Variants in DCC observed in about 807,000 individuals in gnomAD.
DCC encodes DCC netrin 1 receptor, also known as netrin receptor DCC.
In DCC, 58 loss-of-function variants were observed where a neutral mutation model predicts 172.5. The observed-to-expected ratio is 0.34, with a 90% CI of 0.27 to 0.42. DCC has a LOEUF of 0.42. Ranked by LOEUF, DCC falls within the 10% of genes least tolerant of loss-of-function variation. The probability of loss-of-function intolerance (pLI) is 1.00; values close to 1 mark genes in which losing one functional copy is unlikely to be tolerated. For synonymous variants in DCC, 709 were observed against 644.5 expected (o/e 1.10, Z -1.52); for missense variants, 1,740 against 1,791.0 (o/e 0.97, Z 0.51).
intron 1 of DCC, among the ~76,000 whole-genome samples, chr18:52,591,783 A>AT (rs1455956576): frequency 8.6e-6 from 1 of 116,880 alleles, no homozygotes; most frequent in Non-Finnish European, 1.8e-5. Context: ...TTCTTTATTT[A>AT]TTTCTTTTTT....
rs1344300366 is a variant in DCC at position 52,342,266 on chromosome 18, G to GGT, written c.91+1400_91+1401dup. 4.6e-4 allele frequency among the ~76,000 whole-genome samples: 58 copies of GGT among 127,244 alleles called. 1 individual carries two copies. The highest frequency in any genetic ancestry group is 3.9e-3 in the East Asian group (15 of 3,838). 83.5% of individuals were successfully genotyped at this position (127,244 alleles called of 152,430 possible). A position where few individuals can be genotyped will look rare whatever the true frequency, so the allele number is the denominator to read the frequency against. On this transcript the variant is annotated intron_variant, in intron 1 of 28. Transcript: ENST00000442544. The stretch of plus-strand genomic sequence containing the variant: ...AGAGACAGAGAGAGCAGGCAGGAGG[G>GGT]GTGTGTGTGTGTGCGTGTGTGTGTG...
intron 12 of DCC, among the ~76,000 whole-genome samples, chr18:53,300,865 A>G (rs1387841744): frequency 2.0e-5 from 3 of 152,056 alleles, no homozygotes; most frequent in Admixed American, 6.6e-5. Context: ...TTGGATTTCT[A>G]TCTCCCTGGA....
intron 1 of DCC, among the ~76,000 whole-genome samples, chr18:52,707,107 T>C (rs2036224115): frequency 6.6e-6 from 1 of 152,144 alleles, no homozygotes; most frequent in Non-Finnish European, 1.5e-5. Flanking sequence ...GGGCATTTAT[T>C]TTACTGTGAT....
At chr18:53,087,659 A>G (rs1009927466) in intron 7 of DCC, among the ~76,000 whole-genome samples, 41 of 152,132 alleles carry the variant, frequency 2.7e-4, no homozygotes, top group African/African-American at 8.4e-4. Context: ...TTGGTGTTTT[A>G]GACATGAAGT....
rs1467813553 is a variant in DCC, at chr18:53,138,288, T to A, written c.1262-19068T>A. Among the ~76,000 whole-genome samples, 5 of 152,184 alleles carry A rather than the reference T, an allele frequency of 3.3e-5. No homozygotes were observed. In the East Asian group the frequency reaches 9.6e-4, roughly 29 times the overall value. ...ATGCTGTCAATTTCCATCTTCCTCG[T>A]CAGTAAAATAAGACCTATAATTTGC... On this transcript the variant is annotated intron_variant, in intron 7 of 28. Transcript: ENST00000442544.
intron 2 of DCC, among the ~76,000 whole-genome samples, chr18:52,775,937 AG>A (rs1298522324): frequency 6.6e-6 from 1 of 152,198 alleles, no homozygotes; most frequent in African/African-American, 2.4e-5. Context: ...CTTCATTTAA[AG>A]GGTCTTCCCT....
At chr18:53,014,951 C>G (rs1168433512) in intron 5 of DCC, among the ~76,000 whole-genome samples, 2 of 151,892 alleles carry the variant, frequency 1.3e-5, no homozygotes, top group African/African-American at 4.8e-5. Context: ...CTTTATGTAT[C>G]TTATTTAATA....
chr18:53,226,175 G>A (rs917840880), intron 12 of DCC, among the ~76,000 whole-genome samples: 2 of 152,100 alleles, frequency 1.3e-5, no homozygotes, highest in Admixed American at 6.6e-5. Flanking sequence ...TTCGGATAGG[G>A]CCCAATGCTA....
intron 7 of DCC, among the ~76,000 whole-genome samples, chr18:53,112,314 G>A (rs1231690869): frequency 6.6e-6 from 1 of 151,346 alleles, no homozygotes; most frequent in African/African-American, 2.4e-5. Flanking sequence ...AAAATTAAGT[G>A]AATATATACT....
intron 1 of DCC, among the ~76,000 whole-genome samples, chr18:52,406,509 A>T (rs1034555077): frequency 6.6e-6 from 1 of 152,096 alleles, no homozygotes; most frequent in African/African-American, 2.4e-5. Flanking sequence ...TAGGCCTACT[A>T]AGCCTATGAC....
At chr18:52,438,152 G>A (rs937425177) in intron 1 of DCC, among the ~76,000 whole-genome samples, 1 of 152,138 alleles carries the variant, frequency 6.6e-6, no homozygotes, top group African/African-American at 2.4e-5. Context: ...TTGGCAGCTT[G>A]CTCCCCATCC....
At chr18:52,622,924 C>G (rs144512472) in intron 1 of DCC, among the ~76,000 whole-genome samples, 1 of 152,300 alleles carries the variant, frequency 6.6e-6, no homozygotes, top group African/African-American at 2.4e-5. Flanking sequence ...AGTGACAGCT[C>G]CATGTTTTAA....
intron 1 of DCC, among the ~76,000 whole-genome samples, chr18:52,357,752 C>A (rs561615071): frequency 1.3e-5 from 2 of 151,844 alleles, no homozygotes; most frequent in East Asian, 3.9e-4. Flanking sequence ...CTGGCTAACA[C>A]GGTGAAACCC....
chr18:52,650,497 C>T (rs931263757), intron 1 of DCC, among the ~76,000 whole-genome samples: 3 of 151,934 alleles, frequency 2.0e-5, no homozygotes, highest in Non-Finnish European at 4.4e-5. Context: ...ATTAGCATGC[C>T]GTTTTTTCTG....
intron 1 of DCC, among the ~76,000 whole-genome samples, chr18:52,670,776 G>T (rs2035537631): frequency 1.3e-5 from 2 of 151,988 alleles, no homozygotes; most frequent in African/African-American, 4.8e-5. Context: ...GGAAGCGGAG[G>T]TTGCAGTGAG....
intron 1 of DCC, among the ~76,000 whole-genome samples, chr18:52,387,483 G>T (rs2144339088): frequency 6.6e-6 from 1 of 152,178 alleles, no homozygotes; most frequent in South Asian, 2.1e-4. Flanking sequence ...CTATGTGTTT[G>T]GACAGAGCTA....
intron 1 of DCC, among the ~76,000 whole-genome samples, chr18:52,619,874 C>A (rs1186749002): frequency 1.3e-5 from 2 of 152,164 alleles, no homozygotes; most frequent in East Asian, 3.9e-4. Context: ...TTGGAAAAGG[C>A]AACCACCTCT....
intron 12 of DCC, among the ~76,000 whole-genome samples, chr18:53,286,341 G>A (rs2056935447): frequency 6.6e-6 from 1 of 152,128 alleles, no homozygotes. Context: ...ACTCATGATA[G>A]TGAGTGGGTC....
chr18:52,985,447 T>C (rs1363766453), intron 5 of DCC, among the ~76,000 whole-genome samples: 1 of 152,130 alleles, frequency 6.6e-6, no homozygotes, highest in Non-Finnish European at 1.5e-5. Context: ...GGCAATTTAA[T>C]TCTCCTTCCT....
Sources: allele counts gnomAD v4.1 joint callset (sites outside exome capture counted in the v4.1 genomes callset), GRCh38; gene constraint gnomAD v4.1.1; transcripts MANE v1.5; gene names NCBI Gene and HGNC (gene_info 2026-07-23, HGNC 2026-07-21).